ADAMTSL1: variants seen among roughly 807,000 people sequenced by gnomAD.
ADAMTSL1 encodes ADAMTS-like protein 1.
Under a neutral mutation model 201.8 loss-of-function variants are expected in ADAMTSL1, and 126 were observed. That is an observed-to-expected ratio of 0.62 (90% CI 0.54 to 0.72). The LOEUF is 0.72. Among genes scored for constraint, ADAMTSL1 ranks in the 30% least tolerant of loss-of-function variants. The pLI, the probability that ADAMTSL1 is intolerant of heterozygous loss-of-function variation, is 0.00. For missense variants in ADAMTSL1, 2,679 were observed against 2,277.8 expected, an observed-to-expected ratio of 1.18 and a Z score of -3.59; for synonymous variants, 1,121 against 903.4, an observed-to-expected ratio of 1.24 and a Z score of -4.32.
intron 3 of ADAMTSL1, among the ~76,000 whole-genome samples, chr9:18,557,985 T>C (rs1369223669): frequency 6.6e-6 from 1 of 152,062 alleles, no homozygotes; most frequent in African/African-American, 2.4e-5. Context: ...AGTGTCTTAT[T>C]TGAACTCACT....
At position 18,380,165 on chromosome 9, in the gene ADAMTSL1, A is replaced by G. The variant is rs190558066; in HGVS notation, c.208-124664A>G. On this transcript the variant is annotated intron_variant, in intron 2 of 29. Transcript: ENST00000680146. ...TATTTTAACAGCCTTTCCTCCACTT[A>G]TGCATTCCCTAAGCTTTTCTTTTAA... 3.8e-3 allele frequency among the ~76,000 whole-genome samples: 576 copies of G among 152,206 alleles called. 1 individual carries two copies. Among genetic ancestry groups the G allele is most frequent in the African/African-American group, 0.013 (528 of 41,540 alleles).
At position 18,181,374 on chromosome 9, in the gene ADAMTSL1, T is replaced by C. The variant is rs767145664; in HGVS notation, c.207+17393T>C. Among the ~76,000 whole-genome samples the C allele has an allele frequency of 4.6e-5, 7 of 152,176 alleles. No homozygotes were observed. In the East Asian group the frequency reaches 9.6e-4, roughly 21 times the overall value. Reference sequence around the variant, plus strand: ...AATCTACAAAATGGGAGAAAATTTTTGCAAGCTACTCATCTGACCAAGGGG... The same window carrying C: ...AATCTACAAAATGGGAGAAAATTTTCGCAAGCTACTCATCTGACCAAGGGG... On this transcript the variant is annotated intron_variant, in intron 2 of 29. Coordinates refer to the ADAMTSL1 transcript ENST00000680146.
At chr9:18,384,263 G>A (rs890237249) in intron 2 of ADAMTSL1, among the ~76,000 whole-genome samples, 7 of 152,040 alleles carry the variant, frequency 4.6e-5, no homozygotes, top group East Asian at 1.9e-4. Context: ...GAGAGACAGC[G>A]AGTGAAGGGG....
intron 2 of ADAMTSL1, among the ~76,000 whole-genome samples, chr9:18,517,575 C>A (rs56297219): frequency 3.0e-4 from 43 of 145,652 alleles, no homozygotes; most frequent in Non-Finnish European, 4.8e-4. Flanking sequence ...CCCCTCCCCC[C>A]ACACCACCAC....
At chr9:18,634,868 T>TAC (rs924625220) in intron 5 of ADAMTSL1, among the ~76,000 whole-genome samples, 1 of 142,418 alleles carries the variant, frequency 7.0e-6, no homozygotes, top group African/African-American at 2.6e-5. Context: ...AATATATATA[T>TAC]ATATATTTAT....
intron 1 of ADAMTSL1, among the ~76,000 whole-genome samples, chr9:18,023,978 T>C (rs1229545704): frequency 6.6e-6 from 1 of 152,136 alleles, no homozygotes; most frequent in Non-Finnish European, 1.5e-5. Flanking sequence ...ACTTTTCTTT[T>C]ATAGATCTTT....
chr9:17,987,299 T>C (rs1480014826), intron 1 of ADAMTSL1, among the ~76,000 whole-genome samples: 2 of 152,046 alleles, frequency 1.3e-5, no homozygotes, highest in Non-Finnish European at 2.9e-5. Flanking sequence ...AAGCACCACG[T>C]TGTAATTACT....
At chr9:18,810,711 A>G (rs1218914516) in intron 20 of ADAMTSL1, among the ~76,000 whole-genome samples, 1 of 152,188 alleles carries the variant, frequency 6.6e-6, no homozygotes, top group Non-Finnish European at 1.5e-5. Context: ...AGTCATGTGC[A>G]TGAAGTTCTG....
chr9:18,003,239 C>G (rs995774719), intron 1 of ADAMTSL1, among the ~76,000 whole-genome samples: 1 of 151,902 alleles, frequency 6.6e-6, no homozygotes, highest in Non-Finnish European at 1.5e-5. Flanking sequence ...TTTTGACCTG[C>G]GTGTAGAGCT....
chr9:18,255,901 A>G (rs889740342), intron 2 of ADAMTSL1, among the ~76,000 whole-genome samples: 13 of 152,202 alleles, frequency 8.5e-5, no homozygotes, highest in African/African-American at 3.1e-4. Context: ...CAGAGATTAT[A>G]ATCTGTTTCT....
intron 2 of ADAMTSL1, among the ~76,000 whole-genome samples, chr9:18,517,751 A>G (rs541032293): frequency 3.3e-5 from 5 of 152,252 alleles, no homozygotes; most frequent in Admixed American, 3.3e-4. Flanking sequence ...TTATGGCTGC[A>G]TAGTATTCCA....
intron 16 of ADAMTSL1, among the ~76,000 whole-genome samples, chr9:18,769,244 G>A (rs984295459): frequency 6.6e-6 from 1 of 152,176 alleles, no homozygotes; most frequent in Non-Finnish European, 1.5e-5. Context: ...AAAGACCAAC[G>A]TGAGTTCTGA....
intron 14 of ADAMTSL1, among the ~76,000 whole-genome samples, chr9:18,711,948 C>A (rs548217419): frequency 6.7e-6 from 1 of 150,014 alleles, no homozygotes; most frequent in Admixed American, 6.7e-5. Context: ...CCCTGACCCC[C>A]AAGCAGCCTA....
At chr9:18,398,511 C>T (rs1381248260) in intron 2 of ADAMTSL1, among the ~76,000 whole-genome samples, 1 of 152,022 alleles carries the variant, frequency 6.6e-6, no homozygotes, top group Non-Finnish European at 1.5e-5. Context: ...GTCACAATAC[C>T]CATTTGAATT....
intron 3 of ADAMTSL1, among the ~76,000 whole-genome samples, chr9:18,547,865 A>G (rs1004140862): frequency 6.6e-6 from 1 of 151,934 alleles, no homozygotes; most frequent in South Asian, 2.1e-4. Context: ...TGTGAACCGT[A>G]TGGAGATAAT....
At chr9:18,206,990 C>T (rs936801450) in intron 2 of ADAMTSL1, among the ~76,000 whole-genome samples, 2 of 151,922 alleles carry the variant, frequency 1.3e-5, no homozygotes, top group Non-Finnish European at 2.9e-5. Context: ...CATGGTGAAA[C>T]CCCGTCTCTA....
intron 1 of ADAMTSL1, among the ~76,000 whole-genome samples, chr9:18,052,210 C>A (rs1326062861): frequency 6.6e-6 from 1 of 152,242 alleles, no homozygotes; most frequent in African/African-American, 2.4e-5. Context: ...TGGCCCTTGC[C>A]TGTCTGGAGC....
chr9:18,792,250 C>A (rs1822108943), intron 19 of ADAMTSL1, among the ~76,000 whole-genome samples: 1 of 152,068 alleles, frequency 6.6e-6, no homozygotes. Context: ...TTGGAAATAC[C>A]AAAAGAGGAT....
intron 2 of ADAMTSL1, among the ~76,000 whole-genome samples, chr9:18,518,946 T>G (rs1462593502): frequency 1.3e-5 from 2 of 152,152 alleles, no homozygotes; most frequent in Non-Finnish European, 2.9e-5. Context: ...AAAAGAGGCA[T>G]GGGTGCTACA....
Sources: gnomAD v4.1 joint callset for allele counts (sites outside exome capture counted in the v4.1 genomes callset) on GRCh38, gnomAD v4.1.1 for gene constraint, MANE v1.5 for transcripts, NCBI Gene and HGNC (gene_info 2026-07-23, HGNC 2026-07-21) for gene names.